CNTNAP2: variants seen among roughly 807,000 people sequenced by gnomAD.
The protein encoded by CNTNAP2 is contactin-associated protein-like 2.
Under a neutral mutation model 155.2 loss-of-function variants are expected in CNTNAP2, and 98 were observed. That is an observed-to-expected ratio of 0.63 (90% CI 0.54 to 0.75). CNTNAP2 has a LOEUF of 0.75. Ranked by LOEUF, CNTNAP2 falls within the 30% of genes least tolerant of loss-of-function variation. CNTNAP2 has a pLI of 0.00. For missense variants in CNTNAP2, 1,727 were observed against 1,688.1 expected, an observed-to-expected ratio of 1.02 and a Z score of -0.40; for synonymous variants, 651 against 631.2, an observed-to-expected ratio of 1.03 and a Z score of -0.47.
intron 14 of CNTNAP2, among the ~76,000 whole-genome samples, chr7:147,969,672 G>T (rs1275722494): frequency 6.6e-6 from 1 of 152,094 alleles, no homozygotes; most frequent in Non-Finnish European, 1.5e-5. Context: ...GAAAGATGGA[G>T]CTGAGAACAA....
chr7:147,612,215 G>T (rs908229012), intron 12 of CNTNAP2, among the ~76,000 whole-genome samples: 2 of 152,080 alleles, frequency 1.3e-5, no homozygotes, highest in African/African-American at 4.8e-5. Context: ...ATTCAGGAAA[G>T]TACACATAGC....
chr7:147,095,416 A>G (rs569259538), intron 4 of CNTNAP2, among the ~76,000 whole-genome samples: 3 of 151,846 alleles, frequency 2.0e-5, no homozygotes, highest in Admixed American at 6.6e-5. Context: ...AAAGGCCCCA[A>G]CTCCTAACAC....
chr7:147,836,422 C>T (rs955636422), intron 13 of CNTNAP2, among the ~76,000 whole-genome samples: 8 of 152,056 alleles, frequency 5.3e-5, no homozygotes, highest in African/African-American at 1.7e-4. Context: ...CCTCAGGCTT[C>T]TATGTGCTCC....
chr7:146,844,141 A>G (rs1803798227), intron 3 of CNTNAP2, among the ~76,000 whole-genome samples: 1 of 152,114 alleles, frequency 6.6e-6, no homozygotes, highest in Non-Finnish European at 1.5e-5. Flanking sequence ...TAAAATAAGC[A>G]AAGAACAAGT....
intron 10 of CNTNAP2, among the ~76,000 whole-genome samples, chr7:147,456,311 C>G (rs1443696869): frequency 6.6e-6 from 1 of 152,024 alleles, no homozygotes. Flanking sequence ...CCTCTGCTTA[C>G]AGATGATATT....
intron 13 of CNTNAP2, among the ~76,000 whole-genome samples, chr7:147,835,562 G>A (rs1798619476): frequency 6.6e-6 from 1 of 152,150 alleles, no homozygotes; most frequent in South Asian, 2.1e-4. Context: ...CAGCAATAAT[G>A]CTCAAGTGTA....
chr7:148,312,394 G>A (rs1281943348), intron 21 of CNTNAP2, among the ~76,000 whole-genome samples: 1 of 152,222 alleles, frequency 6.6e-6, no homozygotes, highest in Non-Finnish European at 1.5e-5. Context: ...CTTGACTGAA[G>A]TAATGGGAGC....
chr7:146,371,813 G>A (rs1286149869), intron 1 of CNTNAP2, among the ~76,000 whole-genome samples: 2 of 151,886 alleles, frequency 1.3e-5, no homozygotes, highest in African/African-American at 4.8e-5. Context: ...GCAAAAATTA[G>A]CTGTGCATAG....
At chr7:147,115,162 T>A (rs1800960987) in intron 5 of CNTNAP2, among the ~76,000 whole-genome samples, 2 of 152,190 alleles carry the variant, frequency 1.3e-5, no homozygotes, top group Admixed American at 6.5e-5. Context: ...GCTTGTAGAG[T>A]TTCTGCTGAG....
intron 1 of CNTNAP2, among the ~76,000 whole-genome samples, chr7:146,745,944 A>G (rs1360034069): frequency 1.3e-5 from 2 of 152,168 alleles, no homozygotes; most frequent in African/African-American, 2.4e-5. Flanking sequence ...TGTGCTTTCA[A>G]TAATGGTGAA....
At position 146,561,697 on chromosome 7, in the gene CNTNAP2, C is replaced by T. The variant is rs118094618; in HGVS notation, c.98-212574C>T. Among the ~76,000 whole-genome samples the T allele has an allele frequency of 7.8e-3, 1,191 of 152,240 alleles. 10 individuals are homozygous for T. The highest frequency in any genetic ancestry group is 0.02 in the Middle Eastern group (6 of 294). ...AGAAACTCCACAAAATCACAATGACCTCCTCCTCCACAGTCAATGATACTA... is the reference window on the plus strand; with the variant it reads ...AGAAACTCCACAAAATCACAATGACTTCCTCCTCCACAGTCAATGATACTA... On this transcript the variant is annotated intron_variant, in intron 1 of 23. Coordinates refer to ENST00000361727, the MANE Select transcript of CNTNAP2 (RefSeq NM_014141.6).
At chr7:146,845,552 T>C (rs764485419) in intron 3 of CNTNAP2, among the ~76,000 whole-genome samples, 4 of 152,174 alleles carry the variant, frequency 2.6e-5, no homozygotes, top group Non-Finnish European at 5.9e-5. Flanking sequence ...CCAAATCTAG[T>C]GTAGTATGTT....
intron 3 of CNTNAP2, among the ~76,000 whole-genome samples, chr7:147,027,426 C>G (rs1269477166): frequency 1.3e-5 from 2 of 152,230 alleles, no homozygotes; most frequent in Non-Finnish European, 1.5e-5. Context: ...AAACATATTG[C>G]TTCAATTAAG....
chr7:147,267,558 AT>A (rs11341101), intron 8 of CNTNAP2, among the ~76,000 whole-genome samples: 120,062 of 150,146 alleles, frequency 0.8, 48,319 homozygotes, highest in African/African-American at 0.92. Flanking sequence ...AGGTTAACAC[AT>A]TTTTTTTTTT....
chr7:147,001,372 A>C (rs1798418706), intron 3 of CNTNAP2, among the ~76,000 whole-genome samples: 1 of 152,024 alleles, frequency 6.6e-6, no homozygotes, highest in South Asian at 2.1e-4. Flanking sequence ...GGCACCTTTA[A>C]ATGGAACACT....
intron 1 of CNTNAP2, among the ~76,000 whole-genome samples, chr7:146,425,874 T>C (rs1796079455): frequency 6.6e-6 from 1 of 151,744 alleles, no homozygotes; most frequent in South Asian, 2.1e-4. Flanking sequence ...TAAATTTTAA[T>C]TAAAATTAAA....
chr7:147,912,009 G>A (rs1800075780), intron 14 of CNTNAP2, among the ~76,000 whole-genome samples: 1 of 152,136 alleles, frequency 6.6e-6, no homozygotes, highest in Non-Finnish European at 1.5e-5. Flanking sequence ...TATATTAAAA[G>A]TATTCATTAT....
chr7:146,848,687 C>T (rs1794809239), intron 3 of CNTNAP2, among the ~76,000 whole-genome samples: 1 of 150,898 alleles, frequency 6.6e-6, no homozygotes, highest in Non-Finnish European at 1.5e-5. Context: ...GAATCTTCTG[C>T]TGAAATAGGT....
intron 9 of CNTNAP2, among the ~76,000 whole-genome samples, chr7:147,366,820 T>C (rs950095336): frequency 2.0e-5 from 3 of 151,042 alleles, no homozygotes; most frequent in African/African-American, 7.3e-5. Context: ...CACCCCAATG[T>C]TTATTAGTGA....
Sources: gnomAD v4.1 joint callset for allele counts (sites outside exome capture counted in the v4.1 genomes callset) on GRCh38, gnomAD v4.1.1 for gene constraint, MANE v1.5 for transcripts, NCBI Gene and HGNC (gene_info 2026-07-23, HGNC 2026-07-21) for gene names.